Variants in SCN11A observed in about 807,000 individuals in gnomAD.
SCN11A encodes sodium voltage-gated channel alpha subunit 11, also known as sodium channel protein type 11 subunit alpha.
In SCN11A, 122 loss-of-function variants were observed where a neutral mutation model predicts 162.2. The observed-to-expected ratio is 0.75, with a 90% CI of 0.65 to 0.87. The LOEUF (loss-of-function observed/expected upper bound fraction) is 0.87. SCN11A is among the 40% of genes least tolerant of loss of function. The probability of loss-of-function intolerance (pLI) is 0.00; values close to 1 mark genes in which losing one functional copy is unlikely to be tolerated. For missense variants in SCN11A, 2,015 were observed against 2,181.6 expected (o/e 0.92, Z 1.52); for synonymous variants, 758 against 751.5 (o/e 1.01, Z -0.14).
chr3:39,051,855 A>T lies in SCN11A; in HGVS notation c.-404+6T>A. The T allele has an allele frequency of 2.8e-6, 2 of 720,714 alleles. No individual in the cohort carries two copies. The highest frequency in any genetic ancestry group is 2.5e-5 in the Admixed American group (1 of 40,460). 44.6% of individuals were successfully genotyped at this position (720,714 alleles called of 1,614,324 possible). ...GCACAGTGGTTTTGTTTTTAGGTGC[A>T]TCTACCTCATCACATGGCTACCGGC... On this transcript the variant is annotated splice_donor_region_variant and intron_variant, in intron 1 of 29. Coordinates refer to ENST00000302328, the MANE Select transcript of SCN11A (RefSeq NM_001349253.2).
Position 38,900,048 on chromosome 3 carries a change from T to C in SCN11A, c.1868A>G (p.Glu623Gly). 6.2e-7 allele frequency: 1 copy of C among 1,614,026 alleles called. No individual in the cohort carries two copies. Among genetic ancestry groups the C allele is most frequent in the African/African-American group, 1.3e-5 (1 of 75,024 alleles). ...NLVFTSIFIA[E>G]MCLKIIALDP... The stretch of plus-strand genomic sequence containing the variant: ...GAGCGCAATGATTTTTAGGCACATT[T>C]CTGCTATAAAAATGCTAGTGAAAAC... The change falls in exon 17 of 30, where the codon GAA (glutamate) becomes GGA (glycine). Residue 623 changes from glutamate to glycine, a missense_variant. By Grantham distance (98) the Glu-to-Gly change is moderately conservative. Transcript: ENST00000302328.
chr3:38,868,603 T>A (rs1465717704), intron 26 of SCN11A, among the ~76,000 whole-genome samples: 4 of 152,136 alleles, frequency 2.6e-5, no homozygotes, highest in African/African-American at 9.7e-5. Context: ...TTATCAAAGC[T>A]CACCCAATTT....
At chr3:38,964,752 A>G (rs2066771050) in intron 2 of SCN11A, among the ~76,000 whole-genome samples, 1 of 152,250 alleles carries the variant, frequency 6.6e-6, no homozygotes, top group Non-Finnish European at 1.5e-5. Context: ...AAGGAGGAGC[A>G]TGGAAGAAGA....
At chr3:39,034,466 A>G (rs2031849384) in intron 1 of SCN11A, among the ~76,000 whole-genome samples, 1 of 152,238 alleles carries the variant, frequency 6.6e-6, no homozygotes, top group Admixed American at 6.5e-5. Flanking sequence ...TCAACACAGT[A>G]AAAGCCATAT....
intron 25 of SCN11A, 43 bp from the exon 26 acceptor site, chr3:38,870,787 T>A (rs775895913): frequency 1.3e-6 from 2 of 1,569,992 alleles, no homozygotes; most frequent in Non-Finnish European, 8.8e-7. Flanking sequence ...AAATGTAGAC[T>A]TGCCATCAAC....
rs770092864 is a variant in SCN11A, at chr3:38,984,030, C to T, written c.-279-23607G>A. On this transcript the variant is annotated intron_variant, in intron 2 of 29. Coordinates refer to ENST00000302328, the MANE Select transcript of SCN11A (RefSeq NM_001349253.2). ...GATCACATTTCTAAATCTTTTTAGT[C>T]CCATTGCTTTGGGAAAGTTTCCACA... Among the ~76,000 whole-genome samples, 63 of 152,304 alleles carry T rather than the reference C, an allele frequency of 4.1e-4. 1 individual carries two copies. The Middle Eastern group carries it at 0.017, about 41-fold the overall frequency.
chr3:38,974,539 CA>C (rs1173441225), intron 2 of SCN11A, among the ~76,000 whole-genome samples: 12 of 151,416 alleles, frequency 7.9e-5, no homozygotes, highest in African/African-American at 2.7e-4. Context: ...ACTAAAAATA[CA>C]AAAAATTAGC....
intron 21 of SCN11A, among the ~76,000 whole-genome samples, chr3:38,884,143 C>G (rs1559506612): frequency 1.3e-5 from 2 of 152,316 alleles, no homozygotes; most frequent in South Asian, 4.1e-4. Flanking sequence ...TCTTAAACCA[C>G]TATGGGCTCT....
chr3:38,966,087 T>C (rs2066780211), intron 2 of SCN11A, among the ~76,000 whole-genome samples: 1 of 152,260 alleles, frequency 6.6e-6, no homozygotes, highest in Non-Finnish European at 1.5e-5. Context: ...GATCATTGGT[T>C]GTTTCTGTTC....
chr3:38,996,928 T>C (rs1404697661), intron 2 of SCN11A, among the ~76,000 whole-genome samples: 3 of 152,136 alleles, frequency 2.0e-5, no homozygotes, highest in African/African-American at 2.4e-5. Flanking sequence ...ATGTTAATTC[T>C]TCCTTCACCG....
chr3:38,935,479 G>C (rs2066315893), intron 7 of SCN11A, among the ~76,000 whole-genome samples: 1 of 152,066 alleles, frequency 6.6e-6, no homozygotes, highest in South Asian at 2.1e-4. Flanking sequence ...TAGATCCCTA[G>C]CAAGACTAAT....
chr3:38,946,148 T>A (rs1220676559), intron 6 of SCN11A, among the ~76,000 whole-genome samples: 1 of 152,140 alleles, frequency 6.6e-6, no homozygotes, highest in Non-Finnish European at 1.5e-5. Flanking sequence ...ACCCTAAGTT[T>A]TAAGAGCCTG....
intron 6 of SCN11A, among the ~76,000 whole-genome samples, chr3:38,946,232 T>C (rs2066514599): frequency 6.6e-6 from 1 of 152,148 alleles, no homozygotes; most frequent in Non-Finnish European, 1.5e-5. Flanking sequence ...AGACAGAGCT[T>C]ACATGCCCCC....
intron 4 of SCN11A, among the ~76,000 whole-genome samples, chr3:38,952,085 T>G (rs1228851740): frequency 1.3e-5 from 2 of 152,080 alleles, no homozygotes; most frequent in Non-Finnish European, 2.9e-5. Flanking sequence ...GCTTCACTCT[T>G]GAAGCCAGCA....
intron 2 of SCN11A, among the ~76,000 whole-genome samples, chr3:38,980,225 T>C (rs899577459): frequency 6.6e-6 from 1 of 151,452 alleles, no homozygotes; most frequent in African/African-American, 2.4e-5. Context: ...CTCTTTCTGC[T>C]TTCTTTGAGA....
chr3:38,888,140 C>G (rs13088577), intron 19 of SCN11A, among the ~76,000 whole-genome samples: 34,876 of 152,022 alleles, frequency 0.23, 4,138 homozygotes, highest in Non-Finnish European at 0.25. Flanking sequence ...GAGAGAAAGC[C>G]AAAAAACACA....
At chr3:38,848,256 C>T (rs779206532) in intron 29 of SCN11A, among the ~76,000 whole-genome samples, 5 of 152,210 alleles carry the variant, frequency 3.3e-5, no homozygotes, top group Non-Finnish European at 7.4e-5. Context: ...AAAATGTCGC[C>T]CTGCCTGCTC....
At chr3:39,043,292 G>A (rs1483447348) in intron 1 of SCN11A, among the ~76,000 whole-genome samples, 2 of 152,082 alleles carry the variant, frequency 1.3e-5, no homozygotes, top group African/African-American at 4.8e-5. Flanking sequence ...GCTACCATAC[G>A]ATCCAGCAAT....
Position 38,846,630 on chromosome 3 carries a change from C to A in SCN11A, c.*64G>T. The stretch of plus-strand genomic sequence containing the variant: ...CCCTGTTGATACACTAAGCTGCTGA[C>A]CCCTGGAGCTCAGAGGCTGAAGGCA... On this transcript the variant is annotated 3_prime_UTR_variant, in exon 30 of 30. Transcript: ENST00000302328. 7.6e-7 allele frequency: 1 copy of A among 1,323,186 alleles called. No individual in the cohort carries two copies. Among genetic ancestry groups the A allele is most frequent in the Non-Finnish European group, 1.1e-6 (1 of 929,044 alleles). 82.0% of individuals were successfully genotyped at this position (1,323,186 alleles called of 1,614,324 possible). A position where few individuals can be genotyped will look rare whatever the true frequency, so the allele number is the denominator to read the frequency against.
Sources: allele counts gnomAD v4.1 joint callset (sites outside exome capture counted in the v4.1 genomes callset), GRCh38; gene constraint gnomAD v4.1.1; transcripts MANE v1.5; gene names NCBI Gene and HGNC (gene_info 2026-07-23, HGNC 2026-07-21).